The following CD99L2 variants were observed in gnomAD, a reference collection of about 807,000 sequenced individuals.
The protein encoded by CD99L2 is CD99 molecule like 2.
In CD99L2, 24 loss-of-function variants were observed where a neutral mutation model predicts 27.3. That is an observed-to-expected ratio of 0.88 (90% CI 0.64 to 1.24). The LOEUF is 1.24. Ranked by LOEUF, CD99L2 falls within the 50% of genes most tolerant of loss-of-function variation. CD99L2 has a pLI of 0.00. For missense variants in CD99L2, 255 were observed against 221.6 expected, an observed-to-expected ratio of 1.15 and a Z score of -0.96; for synonymous variants, 97 against 87.9, an observed-to-expected ratio of 1.10 and a Z score of -0.58.
intron 9 of CD99L2, among the ~76,000 whole-genome samples, chrX:150,771,156 T>A (rs1204719509): frequency 9.0e-6 from 1 of 111,668 alleles, no homozygotes; most frequent in African/African-American, 3.3e-5. Context: ...CCCGGGTCTG[T>A]GGGAAAACTG....
In CD99L2 at chrX:150,801,466, T is replaced by TGTGAGAACTCACTCACTATC. The variant is rs1309833429; in HGVS notation, c.278-6000_278-5981dup. On this transcript the variant is annotated intron_variant, in intron 4 of 10. Transcript: ENST00000370377. ...AAACACTTTAAAAATCATCAGCTCT[T>TGTGAGAACTCACTCACTATC]GTGAGAACTCACTCACTATCGTGAG... Among the ~76,000 whole-genome samples, 7 of 111,359 alleles carry TGTGAGAACTCACTCACTATC rather than the reference T, an allele frequency of 6.3e-5. No individual in the cohort carries two copies. In the East Asian group the frequency reaches 2.0e-3, roughly 31 times the overall value.
At chrX:150,890,095 G>C (rs2047483005) in intron 1 of CD99L2, among the ~76,000 whole-genome samples, 1 of 109,937 alleles carries the variant, frequency 9.1e-6, no homozygotes, top group African/African-American at 3.3e-5. Flanking sequence ...GGAGTTTGCA[G>C]TGAGCCGAGA....
At chrX:150,771,848 A>G in intron 9 of CD99L2, 1 of 1,154,157 alleles carries the variant, frequency 8.7e-7, no homozygotes, top group Non-Finnish European at 1.1e-6. Context: ...AAAGCTTAGA[A>G]TCCCTGGAGT....
At chrX:150,824,308 G>A (rs1603299627) in intron 2 of CD99L2, among the ~76,000 whole-genome samples, 1 of 72,052 alleles carries the variant, frequency 1.4e-5, no homozygotes, top group African/African-American at 4.7e-5. Flanking sequence ...AGAAGAAGAG[G>A]AGGAGGAGGA....
intron 1 of CD99L2, among the ~76,000 whole-genome samples, chrX:150,896,739 G>A (rs868946570): frequency 2.7e-5 from 3 of 112,278 alleles, no homozygotes; most frequent in African/African-American, 9.7e-5. Flanking sequence ...CTAAGTAGTC[G>A]AAGTGGGGTA....
chrX:150,809,949 G>C (rs1192055392), intron 4 of CD99L2, among the ~76,000 whole-genome samples: 1 of 111,777 alleles, frequency 8.9e-6, no homozygotes, highest in Non-Finnish European at 1.9e-5. Flanking sequence ...AAAAAACAGA[G>C]ACTCAAAATA....
intron 7 of CD99L2, among the ~76,000 whole-genome samples, chrX:150,792,979 G>A (rs2045717865): frequency 8.9e-6 from 1 of 111,837 alleles, no homozygotes; most frequent in East Asian, 2.8e-4. Context: ...TGTGGCGATG[G>A]AACAGTTCTG....
intron 1 of CD99L2, among the ~76,000 whole-genome samples, chrX:150,834,411 G>A (rs976817766): frequency 2.6e-4 from 29 of 112,118 alleles, no homozygotes; most frequent in Admixed American, 2.6e-3. Context: ...AGAATCTCTC[G>A]AACCAGAGAT....
chrX:150,838,948 C>T (rs1276603096), intron 1 of CD99L2, among the ~76,000 whole-genome samples: 1 of 102,005 alleles, frequency 9.8e-6, no homozygotes, highest in Admixed American at 1.1e-4. Flanking sequence ...GGCTAAATCT[C>T]CCATTACAAG....
chrX:150,897,526 AGTGTGTGTGTGT>A (rs58656065), intron 1 of CD99L2, among the ~76,000 whole-genome samples: 1 of 103,843 alleles, frequency 9.6e-6, no homozygotes, highest in African/African-American at 3.5e-5. Flanking sequence ...ACTAGGACAA[AGTGTGTGTGTGT>A]GTGTGTGTGT....
chrX:150,895,812 G>C (rs2047596005), intron 1 of CD99L2, among the ~76,000 whole-genome samples: 1 of 110,386 alleles, frequency 9.1e-6, no homozygotes, highest in South Asian at 3.8e-4. Context: ...TGGATCATGA[G>C]GTCACGGGAT....
At chrX:150,885,194 T>C (rs964092400) in intron 1 of CD99L2, among the ~76,000 whole-genome samples, 14 of 111,132 alleles carry the variant, frequency 1.3e-4, no homozygotes, top group Admixed American at 5.8e-4. Flanking sequence ...CACACAGGGG[T>C]CTGTACAAGT....
intron 2 of CD99L2, chrX:150,829,512 C>T (rs1454337284): frequency 1.5e-5 from 5 of 328,465 alleles, no homozygotes; most frequent in Non-Finnish European, 2.9e-5. Flanking sequence ...GCCCAACCAA[C>T]ACCTTGATAT....
intron 1 of CD99L2, among the ~76,000 whole-genome samples, chrX:150,870,445 G>A (rs1356592644): frequency 6.2e-5 from 7 of 112,009 alleles, no homozygotes; most frequent in African/African-American, 1.6e-4. Flanking sequence ...AAAATGAGCC[G>A]GGCATTGTGG....
intron 7 of CD99L2, among the ~76,000 whole-genome samples, chrX:150,793,013 C>G (rs782296693): frequency 8.9e-6 from 1 of 111,763 alleles, no homozygotes; most frequent in African/African-American, 3.3e-5. Flanking sequence ...GTAATGGTTA[C>G]TCAAATCTAC....
chrX:150,770,292 C>T lies in CD99L2; in HGVS notation c.721+12G>A, dbSNP rs375307484. The T allele has an allele frequency of 8.3e-7, 1 of 1,209,422 alleles. No homozygotes were observed. The stretch of plus-strand genomic sequence containing the variant: ...AAGCGTCAGCAAGGGACAGTGAGTA[C>T]AAAGTTCTCACCTTGGGGTTCCTCA... On this transcript the variant is annotated intron_variant, in intron 10 of 10. Transcript: ENST00000370377.
rs1557420425 is a variant in CD99L2 at position 150,814,848 on chromosome X, C to A, written c.277+14G>T. ...GACAGAATCCTGTAGTAGTTTCAAC[C>A]AGCAAAGACTTACCTCTTCCTCCTA... On this transcript the variant is annotated intron_variant, in intron 4 of 10. Transcript: ENST00000370377. 2 of 1,184,715 alleles carry A rather than the reference C, an allele frequency of 1.7e-6. No homozygotes were observed. Among genetic ancestry groups the A allele is most frequent in the Admixed American group, 2.2e-5 (1 of 45,851 alleles).
At chrX:150,770,188 C>T (rs1254794930) in intron 10 of CD99L2, 116 bp downstream of exon 10, 10 of 710,366 alleles carry the variant, frequency 1.4e-5, no homozygotes, top group Admixed American at 1.1e-4. Flanking sequence ...TTGCTCTGGC[C>T]GGACATTCTA....
At chrX:150,858,478 T>C (rs1180118521) in intron 1 of CD99L2, among the ~76,000 whole-genome samples, 1 of 112,747 alleles carries the variant, frequency 8.9e-6, no homozygotes, top group Non-Finnish European at 1.9e-5. Flanking sequence ...TGAATCTTTT[T>C]AAAATTAAAT....
Sources: allele counts gnomAD v4.1 joint callset (sites outside exome capture counted in the v4.1 genomes callset), GRCh38; gene constraint gnomAD v4.1.1; transcripts MANE v1.5; gene names NCBI Gene and HGNC (gene_info 2026-07-23, HGNC 2026-07-21).